ESRRG: variants seen among roughly 807,000 people sequenced by gnomAD.
The protein encoded by ESRRG is estrogen-related receptor gamma.
ESRRG carries 13 observed loss-of-function variants against 44.0 expected under a neutral mutation model. The ratio of observed to expected loss-of-function variants is 0.30; its 90% CI spans 0.19 to 0.47. The LOEUF is 0.47. Ranked by LOEUF, ESRRG falls within the 20% of genes least tolerant of loss-of-function variation. The probability of loss-of-function intolerance (pLI) is 1.00; values close to 1 mark genes in which losing one functional copy is unlikely to be tolerated. For missense variants in ESRRG, 395 were observed against 580.6 expected (o/e 0.68, Z 3.29); for synonymous variants, 215 against 214.6 (o/e 1.00, Z -0.02).
intron 1 of ESRRG, among the ~76,000 whole-genome samples, chr1:217,037,268 G>T (rs1049377523): frequency 9.9e-5 from 15 of 152,060 alleles, no homozygotes; most frequent in Non-Finnish European, 8.8e-5. Context: ...CTGTTTTTAT[G>T]CTGCTGATGA....
At chr1:216,923,982 CGAA>C (rs2062177900) in intron 2 of ESRRG, among the ~76,000 whole-genome samples, 1 of 152,242 alleles carries the variant, frequency 6.6e-6, no homozygotes, top group African/African-American at 2.4e-5. Flanking sequence ...TGTTTACCTA[CGAA>C]GAAGATTATT....
intron 1 of ESRRG, among the ~76,000 whole-genome samples, chr1:216,701,138 G>A (rs925501964): frequency 1.6e-4 from 24 of 152,124 alleles, no homozygotes; most frequent in African/African-American, 5.3e-4. Flanking sequence ...CGGAGTTTGG[G>A]GGGGGTATGA....
At chr1:216,956,615 G>A (rs991751045) in intron 1 of ESRRG, among the ~76,000 whole-genome samples, 1 of 152,048 alleles carries the variant, frequency 6.6e-6, no homozygotes, top group Non-Finnish European at 1.5e-5. Context: ...TATGGAATTT[G>A]TTTTAACTTA....
At chr1:216,906,547 T>G (rs964636487) in intron 2 of ESRRG, among the ~76,000 whole-genome samples, 1 of 152,086 alleles carries the variant, frequency 6.6e-6, no homozygotes, top group Admixed American at 6.6e-5. Context: ...CCTACTTCCC[T>G]CCCTACCAGC....
At chr1:216,702,357 T>C (rs2151879596) in intron 1 of ESRRG, among the ~76,000 whole-genome samples, 1 of 152,264 alleles carries the variant, frequency 6.6e-6, no homozygotes, top group South Asian at 2.1e-4. Context: ...TGCTGATTCA[T>C]GCTCATTTAC....
At chr1:216,967,773 A>C (rs2070773012) in intron 1 of ESRRG, among the ~76,000 whole-genome samples, 1 of 152,210 alleles carries the variant, frequency 6.6e-6, no homozygotes, top group Non-Finnish European at 1.5e-5. Context: ...TTGTTGAATC[A>C]TATAGTAAGA....
chr1:216,799,391 C>T (rs1267456537), intron 2 of ESRRG, among the ~76,000 whole-genome samples: 1 of 151,924 alleles, frequency 6.6e-6, no homozygotes, highest in African/African-American at 2.4e-5. Flanking sequence ...AAGACACCAC[C>T]CACACAACCA....
At chr1:216,719,782 A>G (rs2085794134) in intron 1 of ESRRG, among the ~76,000 whole-genome samples, 1 of 151,992 alleles carries the variant, frequency 6.6e-6, no homozygotes, top group Non-Finnish European at 1.5e-5. Flanking sequence ...TGCTAATAAC[A>G]TGGGTTAATT....
At chr1:216,576,279 T>C (rs2061664016) in intron 3 of ESRRG, among the ~76,000 whole-genome samples, 1 of 151,366 alleles carries the variant, frequency 6.6e-6, no homozygotes, top group Admixed American at 6.6e-5. Context: ...TTATAAGGTC[T>C]GATGATATAA....
intron 2 of ESRRG, among the ~76,000 whole-genome samples, chr1:216,735,524 C>T (rs1246988873): frequency 3.3e-5 from 5 of 152,052 alleles, no homozygotes; most frequent in Admixed American, 2.0e-4. Context: ...TTTCTTAAGA[C>T]AAGGTTGTGC....
intron 3 of ESRRG, among the ~76,000 whole-genome samples, chr1:216,591,069 C>CT (rs915836436): frequency 1.3e-5 from 2 of 152,114 alleles, no homozygotes; most frequent in African/African-American, 2.4e-5. Context: ...AGGAGAACCT[C>CT]TTTTTTTCTA....
At chr1:216,556,756 T>C (rs979797235) in intron 5 of ESRRG, among the ~76,000 whole-genome samples, 1 of 152,126 alleles carries the variant, frequency 6.6e-6, no homozygotes. Context: ...AATTCAGTTA[T>C]AGTTGTCAAA....
At chr1:216,577,003 G>C (rs985940165) in intron 3 of ESRRG, among the ~76,000 whole-genome samples, 1 of 151,930 alleles carries the variant, frequency 6.6e-6, no homozygotes, top group Non-Finnish European at 1.5e-5. Flanking sequence ...TTTTATTTCT[G>C]CTCAAGAGGA....
chr1:216,945,142 A>C (rs1192618262), intron 1 of ESRRG, among the ~76,000 whole-genome samples: 1 of 152,184 alleles, frequency 6.6e-6, no homozygotes, highest in African/African-American at 2.4e-5. Flanking sequence ...GCTAAAGCCT[A>C]AACCCAAATG....
At chr1:216,640,596 T>G (rs765675303) in intron 3 of ESRRG, among the ~76,000 whole-genome samples, 7 of 151,796 alleles carry the variant, frequency 4.6e-5, no homozygotes, top group Non-Finnish European at 1.0e-4. Flanking sequence ...GACTTAGAGA[T>G]GAACAAAATC....
chr1:217,038,429 A>T (rs113456245), intron 1 of ESRRG, among the ~76,000 whole-genome samples: 10,306 of 152,284 alleles, frequency 0.068, 493 homozygotes, highest in Non-Finnish European at 0.093. Context: ...ATCCCAGGAT[A>T]GATGGATTGT....
intron 1 of ESRRG, among the ~76,000 whole-genome samples, chr1:216,942,226 TG>T (rs2065354563): frequency 6.6e-6 from 1 of 152,180 alleles, no homozygotes; most frequent in South Asian, 2.1e-4. Context: ...GCATCCACGT[TG>T]CTGCAAAGGA....
At chr1:216,875,649 T>C (rs2576232) in intron 2 of ESRRG, among the ~76,000 whole-genome samples, 76,245 of 151,704 alleles carry the variant, frequency 0.5, 21,970 homozygotes, top group African/African-American at 0.8. Flanking sequence ...TTTATTTATA[T>C]TCATTTATTA....
At chr1:216,938,796 T>C (rs2064622646) in intron 2 of ESRRG, among the ~76,000 whole-genome samples, 1 of 152,264 alleles carries the variant, frequency 6.6e-6, no homozygotes, top group Non-Finnish European at 1.5e-5. Context: ...TGGCTCTTCA[T>C]CCTTCCTGAG....
Sources: allele counts gnomAD v4.1 joint callset (sites outside exome capture counted in the v4.1 genomes callset), GRCh38; gene constraint gnomAD v4.1.1; transcripts MANE v1.5; gene names NCBI Gene and HGNC (gene_info 2026-07-23, HGNC 2026-07-21).